Variants in SEMA3D observed in about 807,000 individuals in gnomAD.
SEMA3D encodes the protein semaphorin-3D.
SEMA3D carries 84 observed loss-of-function variants against 100.1 expected under a neutral mutation model. The observed-to-expected ratio is 0.84, with a 90% confidence interval of 0.70 to 1.01. The LOEUF is 1.01. SEMA3D is among the 50% of genes least tolerant of loss of function. SEMA3D has a pLI of 0.00. For synonymous variants in SEMA3D, 312 were observed against 320.7 expected (o/e 0.97, Z 0.29); for missense variants, 875 against 934.1 (o/e 0.94, Z 0.82).
chr7:85,046,744 T>C (rs2116022873), intron 9 of SEMA3D, among the ~76,000 whole-genome samples: 1 of 152,008 alleles, frequency 6.6e-6, no homozygotes, highest in Admixed American at 6.6e-5. Context: ...CCTGGATTTG[T>C]TTGCATATCC....
In SEMA3D at chr7:84,997,551, TATA is replaced by T. The variant is rs1490557243; in HGVS notation, c.*1886_*1888del. The T allele has an allele frequency of 1.3e-5, 2 of 152,110 alleles. No individual in the cohort carries two copies. Among genetic ancestry groups the T allele is most frequent in the East Asian group, 3.8e-4 (2 of 5,198 alleles). 9.4% of individuals were successfully genotyped at this position (152,110 alleles called of 1,614,324 possible). ...TGAAACACCTACAAATATTCATCAG[TATA>T]ATATCAAAAGGGAGTACTCAATCTC... On this transcript the variant is annotated 3_prime_UTR_variant, in exon 19 of 19. Coordinates refer to ENST00000284136, the MANE Select transcript of SEMA3D (RefSeq NM_001384900.1).
chr7:85,059,877 A>G (rs577260164), intron 8 of SEMA3D, among the ~76,000 whole-genome samples: 1 of 152,348 alleles, frequency 6.6e-6, no homozygotes, highest in Non-Finnish European at 1.5e-5. Context: ...TAATGCAGAA[A>G]TGCATAGGAA....
intron 2 of SEMA3D, among the ~76,000 whole-genome samples, chr7:85,138,848 T>A (rs1163114589): frequency 1.3e-5 from 2 of 151,182 alleles, no homozygotes; most frequent in African/African-American, 4.9e-5. Flanking sequence ...TGTGTGATAT[T>A]CCCCCCTGTC....
At chr7:85,025,806 G>T (rs1398025225) in intron 12 of SEMA3D, among the ~76,000 whole-genome samples, 1 of 152,030 alleles carries the variant, frequency 6.6e-6, no homozygotes, top group African/African-American at 2.4e-5. Context: ...GGCAAGGAAA[G>T]ACCCTGTATT....
intron 12 of SEMA3D, among the ~76,000 whole-genome samples, chr7:85,026,400 C>T (rs923178701): frequency 6.6e-6 from 1 of 151,876 alleles, no homozygotes; most frequent in African/African-American, 2.4e-5. Context: ...ATGAGATATC[C>T]CCAAAAGTTT....
the SEMA3D span, among the ~76,000 whole-genome samples, chr7:85,202,863 T>C: frequency 4.7e-3 from 709 of 152,220 alleles, 6 homozygotes; most frequent in African/African-American, 0.016. Flanking sequence ...TGTTTTTTAC[T>C]GATGAAAACT....
rs553359363 is a variant in SEMA3D, at chr7:85,007,513, AT to A, written c.1769-573del. On this transcript the variant is annotated intron_variant, in intron 17 of 18. Coordinates refer to ENST00000284136, the MANE Select transcript of SEMA3D (RefSeq NM_001384900.1). The stretch of plus-strand genomic sequence containing the variant: ...TGGGCCTTATCTGTATTAATCTACC[AT>A]TTTTTTTCTTTTTTATACTGAGGGA... Among the ~76,000 whole-genome samples the A allele has an allele frequency of 8.6e-5, 13 of 151,496 alleles. 1 individual carries two copies. Among genetic ancestry groups the A allele is most frequent in the African/African-American group, 1.2e-4 (5 of 41,398 alleles).
chr7:85,042,173 A>T lies in SEMA3D; in HGVS notation c.974T>A (p.Leu325His). ...SDGADTYFDE[L>H]QDIYLLPTRD... is the part of the protein sequence containing the mutation. ...AAAGAAGGAAAGAAGGAACTTACGA[A>T]GCTCATCAAAGTAAGTATCTGCCCC... The change falls in exon 10 of 19, where the codon CTT becomes CAT. Residue 325 changes from leucine to histidine, a missense_variant and splice_region_variant. Coordinates refer to ENST00000284136, the MANE Select transcript of SEMA3D (RefSeq NM_001384900.1). 1 of 1,599,720 alleles carries T rather than the reference A, an allele frequency of 6.3e-7. No homozygotes were observed. Among genetic ancestry groups the T allele is most frequent in the Non-Finnish European group, 8.6e-7 (1 of 1,167,134 alleles).
At chr7:85,229,225 C>T in the SEMA3D span, among the ~76,000 whole-genome samples, 1 of 151,866 alleles carries the variant, frequency 6.6e-6, no homozygotes, top group African/African-American at 2.4e-5. Context: ...AGAAGATAAA[C>T]AACTTCAAAA....
At chr7:85,181,519 TATAA>T (rs1489544888) in intron 1 of SEMA3D, among the ~76,000 whole-genome samples, 1 of 152,176 alleles carries the variant, frequency 6.6e-6, no homozygotes, top group African/African-American at 2.4e-5. Flanking sequence ...AGTATGCTAG[TATAA>T]ATAAGAGATT....
In SEMA3D at chr7:85,068,204, A is replaced by G; in HGVS notation, c.576T>C (p.Ala192=). 1 of 1,597,190 alleles carries G rather than the reference A, an allele frequency of 6.3e-7. No individual in the cohort carries two copies. Among genetic ancestry groups the G allele is most frequent in the Non-Finnish European group, 8.6e-7 (1 of 1,164,674 alleles). The change falls in exon 7 of 19, where the codon GCT becomes GCC. Residue 192 remains alanine (A), a synonymous_variant. Coordinates refer to ENST00000284136, the MANE Select transcript of SEMA3D (RefSeq NM_001384900.1). ...CATTGATCTTACCTGTCATTACTGA[A>G]GCAAAAGGCTGCTGAGGATCGAAAG... ...KCPFDPQQPF[A]SVMTDEYLYS...
chr7:85,029,267 C>A, intron 12 of SEMA3D: 1 of 827,964 alleles, frequency 1.2e-6, no homozygotes, highest in Non-Finnish European at 2.1e-6. Context: ...TCTACTCTCA[C>A]TGATGACAAG....
intron 3 of SEMA3D, among the ~76,000 whole-genome samples, chr7:85,108,302 G>T (rs1014286310): frequency 3.3e-5 from 5 of 151,824 alleles, no homozygotes; most frequent in Non-Finnish European, 7.4e-5. Flanking sequence ...GTTTGCCTTG[G>T]TTTATCTACC....
At chr7:85,162,924 G>T (rs530881385) in intron 1 of SEMA3D, among the ~76,000 whole-genome samples, 3 of 152,298 alleles carry the variant, frequency 2.0e-5, no homozygotes, top group African/African-American at 7.2e-5. Flanking sequence ...CTCCTTGGAA[G>T]ACAGAAGTAA....
At chr7:85,023,583 G>C (rs974601512) in intron 12 of SEMA3D, among the ~76,000 whole-genome samples, 4 of 151,712 alleles carry the variant, frequency 2.6e-5, no homozygotes, top group African/African-American at 9.7e-5. Context: ...TTTTTTTAAT[G>C]GTGCTTTTCT....
rs760199445 is a variant in SEMA3D, at chr7:84,999,457, T to C, written c.2317A>G (p.Arg773Gly). The C allele has an allele frequency of 9.3e-6, 15 of 1,613,780 alleles. No individual in the cohort carries two copies. Among genetic ancestry groups the C allele is most frequent in the Non-Finnish European group, 1.3e-5 (15 of 1,179,744 alleles). ...GTAGAAAACTACGTGGCTACAGCTC[T>C]AGGGAGCTCATCCAGGTCTCTGTGA... ...RHHRDLDELPRAVAT is the reference protein window; with the variant it reads ...RHHRDLDELPGAVAT The change falls in exon 19 of 19, where the codon AGA (arginine) becomes GGA (glycine). Residue 773 changes from arginine to glycine, a missense_variant. Physicochemically the swap from Arg to Gly is moderately radical, Grantham distance 125 (BLOSUM62 -2). Transcript: ENST00000284136.
the SEMA3D span, among the ~76,000 whole-genome samples, chr7:85,205,457 G>T: frequency 1.1e-4 from 16 of 151,990 alleles, no homozygotes; most frequent in African/African-American, 3.4e-4. Context: ...TTTAAAAAGT[G>T]TCCTTTAATT....
intron 11 of SEMA3D, among the ~76,000 whole-genome samples, chr7:85,038,946 G>A (rs776265908): frequency 5.9e-5 from 9 of 152,048 alleles, no homozygotes; most frequent in Non-Finnish European, 1.2e-4. Flanking sequence ...AATGAGGATT[G>A]TGCCACAGAA....
chr7:85,145,637 A>T (rs1207718017), intron 2 of SEMA3D, among the ~76,000 whole-genome samples: 1 of 152,136 alleles, frequency 6.6e-6, no homozygotes, highest in African/African-American at 2.4e-5. Context: ...AGCCAAAAAA[A>T]AATCTGGTGG....
Sources: allele counts gnomAD v4.1 joint callset (sites outside exome capture counted in the v4.1 genomes callset), GRCh38; gene constraint gnomAD v4.1.1; transcripts MANE v1.5; gene names NCBI Gene and HGNC (gene_info 2026-07-23, HGNC 2026-07-21).